Variants in SHPRH observed in about 807,000 individuals in gnomAD.
The protein encoded by SHPRH is E3 ubiquitin-protein ligase SHPRH.
In SHPRH, 106 loss-of-function variants were observed where a neutral mutation model predicts 202.5. The observed-to-expected ratio is 0.52, with a 90% CI of 0.45 to 0.62. The LOEUF (loss-of-function observed/expected upper bound fraction) is 0.62, where lower values mean the gene tolerates loss of function less well. Ranked by LOEUF, SHPRH falls within the 20% of genes least tolerant of loss-of-function variation. SHPRH has a pLI of 0.00. For missense variants in SHPRH, 1,710 were observed against 2,020.0 expected (o/e 0.85, Z 2.94); for synonymous variants, 729 against 686.0 (o/e 1.06, Z -0.98).
chr6:145,952,282 A>G (rs1788055994), intron 3 of SHPRH, 67 bp downstream of exon 3: 8 of 1,398,806 alleles, frequency 5.7e-6, no homozygotes, highest in African/African-American at 1.4e-5. Flanking sequence ...TGTTATGTCC[A>G]GGGGTTAGAG....
At chr6:145,953,094 G>C (rs1788148370) in intron 2 of SHPRH, among the ~76,000 whole-genome samples, 1 of 151,992 alleles carries the variant, frequency 6.6e-6, no homozygotes, top group African/African-American at 2.4e-5. Flanking sequence ...ATGGAGAGAA[G>C]TCCATCTTAA....
intron 28 of SHPRH, among the ~76,000 whole-genome samples, chr6:145,889,634 A>G (rs973843964): frequency 5.3e-5 from 8 of 152,174 alleles, no homozygotes; most frequent in Admixed American, 5.2e-4. Flanking sequence ...TTGTATATGA[A>G]ACATAAATAA....
chr6:145,890,980 T>C (rs918665959), intron 28 of SHPRH, among the ~76,000 whole-genome samples: 1 of 151,284 alleles, frequency 6.6e-6, no homozygotes, highest in Non-Finnish European at 1.5e-5. Context: ...CTCACCAGGA[T>C]GACTGCAATA....
intron 2 of SHPRH, among the ~76,000 whole-genome samples, chr6:145,868,804 G>A (rs753277707): frequency 4.7e-4 from 71 of 152,232 alleles, no homozygotes; most frequent in Non-Finnish European, 8.2e-4. Flanking sequence ...CTGATTTCTT[G>A]AAATGTCATT....
At chr6:145,936,111 GCA>G (rs1222666159) in intron 11 of SHPRH, among the ~76,000 whole-genome samples, 12 of 151,826 alleles carry the variant, frequency 7.9e-5, no homozygotes, top group Non-Finnish European at 1.3e-4. Flanking sequence ...TCTTTACTGG[GCA>G]CAGTCAATTT....
At chr6:145,901,386 A>G (rs186566757) in intron 25 of SHPRH, among the ~76,000 whole-genome samples, 3 of 152,252 alleles carry the variant, frequency 2.0e-5, no homozygotes, top group Non-Finnish European at 2.9e-5. Context: ...AGACTATTCA[A>G]TGTAGTTACT....
At chr6:145,881,818 AAAAG>A (rs1270835196), downstream of SHPRH, among the ~76,000 whole-genome samples, 2 of 152,170 alleles carry the variant, frequency 1.3e-5, no homozygotes, top group African/African-American at 4.8e-5. Context: ...GGAAGGGAAA[AAAAG>A]AGAGAATTAA....
chr6:145,865,712 C>G (rs918299280), intron 2 of SHPRH, among the ~76,000 whole-genome samples: 6 of 152,200 alleles, frequency 3.9e-5, no homozygotes, highest in Non-Finnish European at 8.8e-5. Context: ...GGCAGAGGCC[C>G]GGGCAATCTC....
chr6:145,931,653 T>C (rs1232343373), intron 14 of SHPRH, among the ~76,000 whole-genome samples: 1 of 152,120 alleles, frequency 6.6e-6, no homozygotes, highest in African/African-American at 2.4e-5. Context: ...TTATTTTTTC[T>C]TTTTATCTAT....
intron 1 of SHPRH, among the ~76,000 whole-genome samples, chr6:145,955,846 GAC>G (rs1287833425): frequency 1.8e-4 from 28 of 151,954 alleles, no homozygotes; most frequent in Admixed American, 1.6e-3. Context: ...CCCCAGAAAA[GAC>G]ACAGATGATA....
intron 2 of SHPRH, among the ~76,000 whole-genome samples, chr6:145,866,676 C>T (rs1297336820): frequency 1.3e-5 from 2 of 152,138 alleles, no homozygotes; most frequent in Non-Finnish European, 2.9e-5. Flanking sequence ...AGAAGTCTCA[C>T]GCTGGGCCAA....
chr6:145,941,703 T>C lies in SHPRH; in HGVS notation c.2410A>G (p.Ile804Val), dbSNP rs772871887. 2 of 1,614,026 alleles carry C rather than the reference T, an allele frequency of 1.2e-6. No individual in the cohort carries two copies. Among genetic ancestry groups the C allele is most frequent in the Admixed American group, 1.7e-5 (1 of 59,976 alleles). Reference sequence around the variant, plus strand: ...TCCACAGCTACCAGGGGGCTCGGGATAGCCATATAGCGCTTCTGGTTCCGT... The same window carrying C: ...TCCACAGCTACCAGGGGGCTCGGGACAGCCATATAGCGCTTCTGGTTCCGT... ...RLRNQKRYMA[I>V]PSPLVAVEWW... is the part of the protein sequence containing the mutation. The change falls in exon 10 of 30, where the codon ATC (isoleucine) becomes GTC (valine). Residue 804 changes from isoleucine (I) to valine (V), a missense_variant. Physicochemically the swap from Ile to Val is conservative, Grantham distance 29. Transcript: ENST00000275233.
At chr6:145,861,294 A>AT (rs1277548901), downstream of SHPRH, among the ~76,000 whole-genome samples, 1 of 152,148 alleles carries the variant, frequency 6.6e-6, no homozygotes, top group African/African-American at 2.4e-5. Flanking sequence ...GACCTGAACC[A>AT]ACATTTATCT....
chr6:145,906,423 T>C (rs979750954), intron 25 of SHPRH: 1 of 152,072 alleles, frequency 6.6e-6, no homozygotes, highest in African/African-American at 2.4e-5. Context: ...TGATCTCCCA[T>C]TCTCAGATAA....
intron 18 of SHPRH, 24 bp downstream of exon 18, chr6:145,923,619 T>C: frequency 6.2e-7 from 1 of 1,608,312 alleles, no homozygotes; most frequent in South Asian, 1.1e-5. Context: ...TATGAGTAGA[T>C]ACTTTTTCTT....
At position 145,956,810 on chromosome 6, in the gene SHPRH, T is replaced by C. The variant is rs529455828; in HGVS notation, c.-32-1456A>G. On this transcript the variant is annotated intron_variant, in intron 1 of 29. Transcript: ENST00000275233. ...TTCATGGACTAGAAGACTCAAAATG[T>C]TCAGATGTCAATTTCTTAGTACTGA... Among the ~76,000 whole-genome samples, 9 of 152,260 alleles carry C rather than the reference T, an allele frequency of 5.9e-5. No homozygotes were observed. The South Asian group carries it at 1.5e-3, about 25-fold the overall frequency.
rs371091163 is a variant in SHPRH at position 145,950,171 on chromosome 6, T to C, written c.982+93A>G. The C allele has an allele frequency of 6.0e-5, 58 of 966,896 alleles. No individual in the cohort carries two copies. The East Asian group carries it at 1.4e-3, about 23-fold the overall frequency. 59.9% of individuals were successfully genotyped at this position (966,896 alleles called of 1,614,324 possible). On this transcript the variant is annotated intron_variant, in intron 4 of 29. Coordinates refer to ENST00000275233, the MANE Select transcript of SHPRH (RefSeq NM_001042683.3). ...CCCATTCTATCTTATATTTTCAGGA[T>C]GTTTATTTTAATGATCAATTTCACC...
chr6:145,958,806 T>C (rs1187065658), intron 1 of SHPRH, among the ~76,000 whole-genome samples: 2 of 152,158 alleles, frequency 1.3e-5, no homozygotes, highest in African/African-American at 4.8e-5. Flanking sequence ...AGTGACATCA[T>C]AGCCATTGTA....
intron 25 of SHPRH, chr6:145,908,301 T>C (rs940672373): frequency 6.6e-6 from 1 of 152,114 alleles, no homozygotes; most frequent in Non-Finnish European, 1.5e-5. Context: ...TGCTGGGTCC[T>C]ATGGGATTTC....
Sources: allele counts gnomAD v4.1 joint callset (sites outside exome capture counted in the v4.1 genomes callset), GRCh38; gene constraint gnomAD v4.1.1; transcripts MANE v1.5; gene names NCBI Gene and HGNC (gene_info 2026-07-23, HGNC 2026-07-21).